The following WDR73 variants were observed in gnomAD, a reference collection of about 807,000 sequenced individuals.
The protein encoded by WDR73 is WD repeat domain 73.
In WDR73, 30 loss-of-function variants were observed where a neutral mutation model predicts 38.2. The observed-to-expected ratio is 0.79, with a 90% CI of 0.59 to 1.06. WDR73 has a LOEUF of 1.06. WDR73 is among the 50% of genes least tolerant of loss of function. The probability of loss-of-function intolerance (pLI) is 0.00; values close to 1 mark genes in which losing one functional copy is unlikely to be tolerated. For synonymous variants in WDR73, 197 were observed against 176.0 expected (o/e 1.12, Z -0.94); for missense variants, 487 against 467.0 (o/e 1.04, Z -0.40).
Position 84,652,728 on chromosome 15 carries a change from C to A in WDR73, c.184G>T (p.Val62Leu). 6.6e-7 allele frequency: 1 copy of A among 1,516,528 alleles called. No individual in the cohort carries two copies. Among genetic ancestry groups the A allele is most frequent in the Non-Finnish European group, 8.9e-7 (1 of 1,128,898 alleles). 93.9% of individuals were successfully genotyped at this position (1,516,528 alleles called of 1,614,324 possible). ...LHLKLPLRLS[V>L]KENKGLFPER... is the part of the protein sequence containing the mutation. ...TTTTAAGTTACCTTGTTTTCCTTTA[C>A]AGAAAGTCTGAGAGGTAATTTCAGA... Residue 62 changes from valine to leucine, a missense_variant, in exon 3 of 8, where the codon GTA (valine) becomes TTA (leucine). Transcript: ENST00000434634.
rs889350509 is a variant in WDR73 at position 84,640,892 on chromosome 15, T to C, written c.*2578A>G. The C allele has an allele frequency of 2.0e-5, 3 of 152,238 alleles. No homozygotes were observed. Among genetic ancestry groups the C allele is most frequent in the South Asian group, 4.1e-4 (2 of 4,828 alleles). 9.4% of individuals were successfully genotyped at this position (152,238 alleles called of 1,614,324 possible). Reference sequence around the variant, plus strand: ...TGGTTTCTACCTCCCTGGGCTGTTATGAGGATCCTGACACAGTATTAGCAC... The same window carrying C: ...TGGTTTCTACCTCCCTGGGCTGTTACGAGGATCCTGACACAGTATTAGCAC... On this transcript the variant is annotated 3_prime_UTR_variant, in exon 8 of 8. Coordinates refer to ENST00000434634, the MANE Select transcript of WDR73 (RefSeq NM_032856.5).
chr15:84,647,664 T>G (rs1896504950), intron 5 of WDR73: 1 of 537,190 alleles, frequency 1.9e-6, no homozygotes, highest in Admixed American at 3.1e-5. Flanking sequence ...GCCCGGCTAA[T>G]TTTTTGTATT....
At chr15:84,653,454 A>G (rs2141847698) in intron 2 of WDR73, 178 bp downstream of exon 2, 1 of 547,962 alleles carries the variant, frequency 1.8e-6, no homozygotes. Context: ...ACAGGCGTGA[A>G]CCACTGCTCC....
chr15:84,640,812 A>ACCT lies in WDR73; in HGVS notation c.*2655_*2657dup, dbSNP rs1896235679. ...TTAAAAGGTTTGTTGTTCTTGGGCAACCTCTTTAAATACCCTTAGCCTCCA... is the reference window on the plus strand; with the variant it reads ...TTAAAAGGTTTGTTGTTCTTGGGCAACCTCCTCTTTAAATACCCTTAGCCTCCA... On this transcript the variant is annotated 3_prime_UTR_variant, in exon 8 of 8. Coordinates refer to ENST00000434634, the MANE Select transcript of WDR73 (RefSeq NM_032856.5). 6.6e-6 allele frequency: 1 copy of ACCT among 152,138 alleles called. No individual in the cohort carries two copies. 9.4% of individuals were successfully genotyped at this position (152,138 alleles called of 1,614,324 possible). A position where few individuals can be genotyped will look rare whatever the true frequency, so the allele number is the denominator to read the frequency against.
At chr15:84,645,235 C>G in intron 7 of WDR73, 1 of 1,412,796 alleles carries the variant, frequency 7.1e-7, no homozygotes, top group Non-Finnish European at 9.3e-7. Context: ...CTCCACCAAC[C>G]TGAGACCTGA....
In WDR73 at chr15:84,647,908, G is replaced by C. The variant is rs756843163; in HGVS notation, c.334C>G (p.Gln112Glu). Residue 112 changes from glutamine (Q) to glutamate (E), a missense_variant, in exon 5 of 8, where the codon CAG becomes GAG. Coordinates refer to ENST00000434634, the MANE Select transcript of WDR73 (RefSeq NM_032856.5). Reference protein sequence around the residue: ...GLPGCYLQVWQVAEDSDVIKA... With the variant: ...GLPGCYLQVWEVAEDSDVIKA... ...CACTCACCACTGTCCTCTGCAACCT[G>C]CCACACCTGCAGATAACAACCTGGA... is the stretch of plus-strand genomic sequence containing the variant. The C allele has an allele frequency of 5.6e-6, 9 of 1,613,796 alleles. No homozygotes were observed. In the African/African-American group the frequency reaches 9.3e-5, roughly 17 times the overall value.
In WDR73 at chr15:84,643,215, C is replaced by T; in HGVS notation, c.*255G>A. Reference sequence around the variant, plus strand: ...ACAGGGACAAAACGCTACCATTTCACACTCCCAGATCTAACAATAGCTACC... The same window carrying T: ...ACAGGGACAAAACGCTACCATTTCATACTCCCAGATCTAACAATAGCTACC... On this transcript the variant is annotated 3_prime_UTR_variant, in exon 8 of 8. Transcript: ENST00000434634. The T allele has an allele frequency of 6.0e-6, 3 of 498,702 alleles. No individual in the cohort carries two copies. The highest frequency in any genetic ancestry group is 1.1e-5 in the Non-Finnish European group (3 of 279,228). The allele number at this position is 498,702 out of a possible 1,614,324, so 30.9% of individuals were successfully genotyped here. A position where few individuals can be genotyped will look rare whatever the true frequency, so the allele number is the denominator to read the frequency against.
Position 84,647,915 on chromosome 15 carries a change from C to T in WDR73, c.327G>A (p.Gln109=). The part of the protein sequence containing the change: ...VTSGLPGCYL[Q]VWQVAEDSDV... ...CACTGTCCTCTGCAACCTGCCACAC[C>T]TGCAGATAACAACCTGGAAGGCCAC... The change falls in exon 5 of 8, where the codon CAG becomes CAA. Residue 109 remains glutamine (Q), a synonymous_variant. Transcript: ENST00000434634. The T allele has an allele frequency of 6.2e-7, 1 of 1,614,028 alleles. No individual in the cohort carries two copies. The highest frequency in any genetic ancestry group is 1.1e-5 in the South Asian group (1 of 91,084).
rs1160664172 is a variant in WDR73, at chr15:84,642,565, C to T, written c.*905G>A. 3 of 152,034 alleles carry T rather than the reference C, an allele frequency of 2.0e-5. No homozygotes were observed. The highest frequency in any genetic ancestry group is 7.3e-5 in the African/African-American group (3 of 41,366). The allele number at this position is 152,034 out of a possible 1,614,324, so 9.4% of individuals were successfully genotyped here. ...CACTGCAAACTTCAACTGCCAGGCTCAGGCAACCCTCCCACCTCAGCCTCT... is the reference window on the plus strand; with the variant it reads ...CACTGCAAACTTCAACTGCCAGGCTTAGGCAACCCTCCCACCTCAGCCTCT... On this transcript the variant is annotated 3_prime_UTR_variant, in exon 8 of 8. Coordinates refer to ENST00000434634, the MANE Select transcript of WDR73 (RefSeq NM_032856.5).
At position 84,646,182 on chromosome 15, in the gene WDR73, AC is replaced by A; in HGVS notation, c.517+1del. 1 of 1,613,480 alleles carries A rather than the reference AC, an allele frequency of 6.2e-7. No homozygotes were observed. ...CAAGCAAGGGACAAAGTACCACGGT[AC>A]CTGAGGTGTACGTGGTCTTCCGGGA... On this transcript the variant is annotated splice_donor_variant, in intron 6 of 7. Coordinates refer to ENST00000434634, the MANE Select transcript of WDR73 (RefSeq NM_032856.5). LOFTEE classifies it high-confidence loss of function.
rs1896265855 is a variant in WDR73, at chr15:84,641,823, T to A, written c.*1647A>T. 1.3e-5 allele frequency: 2 copies of A among 152,182 alleles called. No homozygotes were observed. Among genetic ancestry groups the A allele is most frequent in the African/African-American group, 4.8e-5 (2 of 41,458 alleles). 9.4% of individuals were successfully genotyped at this position (152,182 alleles called of 1,614,324 possible). A position where few individuals can be genotyped will look rare whatever the true frequency, so the allele number is the denominator to read the frequency against. ...CGTGAGCCACTGTGCCTGGTCTATC[T>A]TTAAATTCCTATCTGAATTTGTTTA... On this transcript the variant is annotated 3_prime_UTR_variant, in exon 8 of 8. Transcript: ENST00000434634.
At chr15:84,646,488 C>T in intron 5 of WDR73, 140 bp from the exon 6 acceptor site, 1 of 1,248,920 alleles carries the variant, frequency 8.0e-7, no homozygotes, top group Non-Finnish European at 1.1e-6. Context: ...GATGTTGAGA[C>T]ATAACTACTC....
chr15:84,647,776 C>T, intron 5 of WDR73, 114 bp downstream of exon 5: 1 of 1,031,132 alleles, frequency 9.7e-7, no homozygotes, highest in Non-Finnish European at 1.5e-6. Flanking sequence ...CAATTACAGG[C>T]ATGAGACTGT....
At chr15:84,644,204 C>G (rs1471661449) in intron 7 of WDR73, 1 of 159,010 alleles carries the variant, frequency 6.3e-6, no homozygotes, top group Non-Finnish European at 1.4e-5. Context: ...CAAGTTGCCC[C>G]AGAGTCCAGT....
chr15:84,650,064 G>A (rs1015789826), intron 3 of WDR73, among the ~76,000 whole-genome samples: 3 of 152,204 alleles, frequency 2.0e-5, no homozygotes, highest in Middle Eastern at 3.2e-3. Context: ...ACATCTGCAT[G>A]GGATCTAGCC....
intron 1 of WDR73, 42 bp downstream of exon 1, chr15:84,654,191 AG>A: frequency 1.2e-6 from 2 of 1,613,560 alleles, no homozygotes; most frequent in Middle Eastern, 3.3e-4. Flanking sequence ...CCGCCAGGCA[AG>A]CTCCAGGCCC....
In WDR73 at chr15:84,645,330, T is replaced by C. The variant is rs551637007; in HGVS notation, c.883+141A>G. The C allele has an allele frequency of 9.5e-4, 1,453 of 1,531,108 alleles. 3 individuals carry two copies. The highest frequency in any genetic ancestry group is 1.1e-3 in the Non-Finnish European group (1,294 of 1,137,082). 94.8% of individuals were successfully genotyped at this position (1,531,108 alleles called of 1,614,324 possible). On this transcript the variant is annotated intron_variant, in intron 7 of 7. Coordinates refer to ENST00000434634, the MANE Select transcript of WDR73 (RefSeq NM_032856.5). ...GGAAAAGGCCTGCCACTGAAGAACCTGGAGAGTTCGAATTTCTCTGTGAGC... is the reference window on the plus strand; with the variant it reads ...GGAAAAGGCCTGCCACTGAAGAACCCGGAGAGTTCGAATTTCTCTGTGAGC...
chr15:84,646,200 CT>C lies in WDR73; in HGVS notation c.500del (p.Lys167ArgfsTer14). On this transcript the variant is annotated frameshift_variant, in exon 6 of 8. Coordinates refer to ENST00000434634, the MANE Select transcript of WDR73 (RefSeq NM_032856.5). LOFTEE classifies it high-confidence loss of function. ...SLQVVDLESR[K>X]TTYTSDVSDS... is the part of the protein sequence containing the mutation. Reference sequence around the variant, plus strand: ...CCACGGTACCTGAGGTGTACGTGGTCTTCCGGGACTCCAGATCAACGACCTG... The same window carrying C: ...CCACGGTACCTGAGGTGTACGTGGTCTCCGGGACTCCAGATCAACGACCTG... The C allele has an allele frequency of 6.2e-7, 1 of 1,613,770 alleles. No individual in the cohort carries two copies. Among genetic ancestry groups the C allele is most frequent in the South Asian group, 1.1e-5 (1 of 91,078 alleles).
intron 4 of WDR73, 36 bp downstream of exon 4, chr15:84,648,501 C>G: frequency 1.3e-6 from 2 of 1,501,766 alleles, no homozygotes; most frequent in Non-Finnish European, 1.9e-6. Context: ...CCCATCCCAT[C>G]CTGTGTGGAT....
Sources: allele counts gnomAD v4.1 joint callset (sites outside exome capture counted in the v4.1 genomes callset), GRCh38; gene constraint gnomAD v4.1.1; transcripts MANE v1.5; gene names NCBI Gene and HGNC (gene_info 2026-07-23, HGNC 2026-07-21).